ASIP: variants seen among roughly 807,000 people sequenced by gnomAD.
ASIP encodes the protein agouti signaling protein.
A neutral mutation model predicts 10.3 loss-of-function variants in ASIP; 11 were observed. That is an observed-to-expected ratio of 1.07 (90% CI 0.68 to 1.78). ASIP has a LOEUF of 1.78. ASIP is among the 40% of genes most tolerant of loss of function. ASIP has a pLI of 0.00. For synonymous variants in ASIP, 70 were observed against 70.8 expected (o/e 0.99, Z 0.06); for missense variants, 180 against 169.2 (o/e 1.06, Z -0.35).
intron 1 of ASIP, among the ~76,000 whole-genome samples, chr20:34,250,653 C>T (rs546373136): frequency 1.3e-5 from 2 of 152,222 alleles, no homozygotes; most frequent in South Asian, 2.1e-4. Context: ...CAAAATTAGC[C>T]GGGCGTAGTG....
At chr20:34,207,844 C>T (rs2034947487) in intron 1 of ASIP, among the ~76,000 whole-genome samples, 1 of 151,926 alleles carries the variant, frequency 6.6e-6, no homozygotes, top group South Asian at 2.1e-4. Context: ...GGCTGGAGTG[C>T]AGTGGCACGA....
chr20:34,249,585 G>C (rs116958791), intron 1 of ASIP, among the ~76,000 whole-genome samples: 1 of 152,254 alleles, frequency 6.6e-6, no homozygotes, highest in East Asian at 1.9e-4. Flanking sequence ...AGGGCCAATG[G>C]CTTGGTTTAA....
Position 34,260,442 on chromosome 20 carries a change from A to C in ASIP, c.68A>C (p.His23Pro). 6.2e-7 allele frequency: 1 copy of C among 1,614,082 alleles called. No individual in the cohort carries two copies. The highest frequency in any genetic ancestry group is 8.5e-7 in the Non-Finnish European group (1 of 1,179,984). ...VFLCFFTANS[H>P]LPPEEKLRDD... is the part of the protein sequence containing the mutation. Reference sequence around the variant, plus strand: ...CTCTGCTTCTTCACTGCCAACAGCCACCTGCCACCTGAGGAGAAGCTCCGA... The same window carrying C: ...CTCTGCTTCTTCACTGCCAACAGCCCCCTGCCACCTGAGGAGAAGCTCCGA... The change falls in exon 2 of 4, where the codon CAC (histidine) becomes CCC (proline). Residue 23 changes from histidine to proline, a missense_variant. By Grantham distance (77) the His-to-Pro change is moderately conservative. Coordinates refer to ENST00000374954, the MANE Select transcript of ASIP (RefSeq NM_001672.3).
At chr20:34,266,170 G>A (rs1215905213) in intron 3 of ASIP, among the ~76,000 whole-genome samples, 4 of 151,366 alleles carry the variant, frequency 2.6e-5, no homozygotes, top group African/African-American at 7.3e-5. Flanking sequence ...TGGCTAACAC[G>A]GAGAAACCCC....
chr20:34,193,909 C>T (rs534161676), upstream of ASIP, among the ~76,000 whole-genome samples: 3 of 152,302 alleles, frequency 2.0e-5, no homozygotes, highest in South Asian at 6.2e-4. Context: ...TTTGTTGTGC[C>T]ATGTGGCTGA....
At position 34,214,656 on chromosome 20, in the gene ASIP, A is replaced by G. The variant is rs547673482; in HGVS notation, c.-11+19896A>G. 517 of 1,080,266 alleles carry G rather than the reference A, an allele frequency of 4.8e-4. 1 individual carries two copies. The highest frequency in any genetic ancestry group is 1.0e-3 in the Admixed American group (61 of 59,364). The allele number at this position is 1,080,266 out of a possible 1,614,324, so 66.9% of individuals were successfully genotyped here. A position where few individuals can be genotyped will look rare whatever the true frequency, so the allele number is the denominator to read the frequency against. ...CCAACACTAACTTCAGTTGTTTTCT[A>G]TATTCTACAAACATGGCTTTATCTT... On this transcript the variant is annotated intron_variant, in intron 1 of 3. Transcript: ENST00000568305.
At chr20:34,263,195 C>G (rs2035725267) in intron 3 of ASIP, among the ~76,000 whole-genome samples, 1 of 152,246 alleles carries the variant, frequency 6.6e-6, no homozygotes, top group African/African-American at 2.4e-5. Flanking sequence ...GTTTCCCAAA[C>G]CTCAGTCATT....
intron 1 of ASIP, among the ~76,000 whole-genome samples, chr20:34,207,489 C>T (rs1488749764): frequency 2.0e-5 from 3 of 152,126 alleles, no homozygotes; most frequent in Non-Finnish European, 2.9e-5. Flanking sequence ...TATCTCTTCA[C>T]TTTATGGATT....
At chr20:34,265,565 C>T (rs1237238848) in intron 3 of ASIP, among the ~76,000 whole-genome samples, 1 of 151,984 alleles carries the variant, frequency 6.6e-6, no homozygotes, top group African/African-American at 2.4e-5. Flanking sequence ...AGAGTTTGTG[C>T]CCCTAACCCC....
chr20:34,268,680 G>A (rs1032118187), intron 3 of ASIP, among the ~76,000 whole-genome samples: 7 of 151,926 alleles, frequency 4.6e-5, no homozygotes, highest in African/African-American at 1.7e-4. Context: ...ATTGCAGTGA[G>A]CCGAGATCGC....
At chr20:34,253,447 TTTTATTTATTTA>T (rs36107431) in intron 1 of ASIP, among the ~76,000 whole-genome samples, 36 of 103,808 alleles carry the variant, frequency 3.5e-4, no homozygotes, top group East Asian at 1.5e-3. Flanking sequence ...TTTTATTTTA[TTTTATTTATTTA>T]TTTATTTATT....
rs190553970 is a variant in ASIP, at chr20:34,255,932, C to T, written c.-10-4433C>T. Among the ~76,000 whole-genome samples, 814 of 152,238 alleles carry T rather than the reference C, an allele frequency of 5.3e-3. 11 individuals are homozygous for T. The highest frequency in any genetic ancestry group is 0.019 in the African/African-American group (787 of 41,556). The stretch of plus-strand genomic sequence containing the variant: ...GGAGTTAGAGAAGACTCTGCTCCAC[C>T]ACCTCTTGTGGAAGGCCTGACATCA... On this transcript the variant is annotated intron_variant, in intron 1 of 3. Transcript: ENST00000374954.
chr20:34,201,049 TTTCTTTC>T (rs1486211691), intron 1 of ASIP, among the ~76,000 whole-genome samples: 1 of 124,886 alleles, frequency 8.0e-6, no homozygotes, highest in African/African-American at 2.9e-5. Context: ...TCTTTCTTTC[TTTCTTTC>T]TTTCTTTTTT....
At chr20:34,186,643 G>T in the ASIP span, among the ~76,000 whole-genome samples, 3 of 151,996 alleles carry the variant, frequency 2.0e-5, no homozygotes, top group Non-Finnish European at 4.4e-5. Flanking sequence ...ACCAAAGCTG[G>T]AAAGAAAATG....
intron 1 of ASIP, among the ~76,000 whole-genome samples, chr20:34,216,281 C>G (rs1255320102): frequency 6.6e-6 from 1 of 152,200 alleles, no homozygotes; most frequent in African/African-American, 2.4e-5. Flanking sequence ...GCTGAGTCAG[C>G]GCGAAGCGCC....
chr20:34,263,973 CT>C (rs1306609139), intron 3 of ASIP, among the ~76,000 whole-genome samples: 2 of 151,672 alleles, frequency 1.3e-5, no homozygotes, highest in Non-Finnish European at 2.9e-5. Flanking sequence ...GCCCAGCTGA[CT>C]TTTTAAATTG....
chr20:34,236,012 AAG>A (rs138295630), intron 1 of ASIP, among the ~76,000 whole-genome samples: 16,875 of 113,756 alleles, frequency 0.15, 4,341 homozygotes, highest in African/African-American at 0.56. Flanking sequence ...GAAAGAGAGA[AAG>A]AGAGAGAGAA....
chr20:34,247,389 C>T (rs2035396519), intron 1 of ASIP, among the ~76,000 whole-genome samples: 1 of 150,986 alleles, frequency 6.6e-6, no homozygotes, highest in South Asian at 2.1e-4. Context: ...CAACCTCCGC[C>T]TCCCGGGTTC....
At chr20:34,235,931 C>T (rs1282542570) in intron 1 of ASIP, among the ~76,000 whole-genome samples, 4 of 49,284 alleles carry the variant, frequency 8.1e-5, no homozygotes, top group Non-Finnish European at 1.2e-4. Context: ...AGGAAGGAAG[C>T]GGGAGGGAGG....
Sources: gnomAD v4.1 joint callset for allele counts (sites outside exome capture counted in the v4.1 genomes callset) on GRCh38, gnomAD v4.1.1 for gene constraint, MANE v1.5 for transcripts, NCBI Gene and HGNC (gene_info 2026-07-23, HGNC 2026-07-21) for gene names.